MALRD1: variants seen among roughly 807,000 people sequenced by gnomAD.
The protein encoded by MALRD1 is MAM and LDL-receptor class A domain-containing protein 1.
MALRD1 carries 247 observed loss-of-function variants against 242.1 expected under a neutral mutation model. That is an observed-to-expected ratio of 1.02 (90% CI 0.92 to 1.13). The LOEUF (loss-of-function observed/expected upper bound fraction) is 1.13, where lower values mean the gene tolerates loss of function less well. MALRD1 is among the 50% of genes most tolerant of loss of function. The pLI is 0.00. For missense variants in MALRD1, 2,989 were observed against 2,533.1 expected (o/e 1.18, Z -3.86); for synonymous variants, 995 against 866.6 (o/e 1.15, Z -2.60).
chr10:19,556,531 G>C (rs1245253535), intron 32 of MALRD1, among the ~76,000 whole-genome samples: 1 of 151,886 alleles, frequency 6.6e-6, no homozygotes, highest in African/African-American at 2.4e-5. Flanking sequence ...ACGCTTTTCA[G>C]ATTGACTTAT....
At chr10:19,238,321 ATG>A (rs1838513750) in intron 18 of MALRD1, among the ~76,000 whole-genome samples, 1 of 79,412 alleles carries the variant, frequency 1.3e-5, no homozygotes, top group South Asian at 4.5e-4. Context: ...AATATACATA[ATG>A]TATATTATAC....
chr10:19,152,622 A>G (rs886712355), intron 11 of MALRD1, among the ~76,000 whole-genome samples: 1 of 152,114 alleles, frequency 6.6e-6, no homozygotes, highest in Non-Finnish European at 1.5e-5. Flanking sequence ...CTGTTTATGT[A>G]TCTGGAAACT....
intron 28 of MALRD1, among the ~76,000 whole-genome samples, chr10:19,426,137 A>G (rs1833896984): frequency 6.6e-6 from 1 of 152,178 alleles, no homozygotes; most frequent in Non-Finnish European, 1.5e-5. Context: ...TCCATATGCC[A>G]AGCATCATGT....
chr10:19,374,374 C>G (rs965150115), intron 26 of MALRD1, among the ~76,000 whole-genome samples: 1 of 152,160 alleles, frequency 6.6e-6, no homozygotes, highest in Non-Finnish European at 1.5e-5. Context: ...TAATAGTTTA[C>G]ATGATAAATG....
At position 19,204,945 on chromosome 10, in the gene MALRD1, A is replaced by G; in HGVS notation, c.2258A>G (p.His753Arg). 3 of 1,550,438 alleles carry G rather than the reference A, an allele frequency of 1.9e-6. No individual in the cohort carries two copies. Among genetic ancestry groups the G allele is most frequent in the Non-Finnish European group, 2.6e-6 (3 of 1,146,796 alleles). Residue 753 changes from histidine (H) to arginine (R), a missense_variant, in exon 17 of 40, where the codon CAT (histidine) becomes CGT (arginine). Physicochemically the swap from His to Arg is conservative, Grantham distance 29. Coordinates refer to ENST00000454679, the MANE Select transcript of MALRD1 (RefSeq NM_001142308.3). ...GTGGGAGCAGCTGAGCTGCAGCTACATATGGAAAATTCTCATGACTCAACA... is the reference window on the plus strand; with the variant it reads ...GTGGGAGCAGCTGAGCTGCAGCTACGTATGGAAAATTCTCATGACTCAACA... ...LSVGAAELQLHMENSHDSTVI... is the reference protein window; with the variant it reads ...LSVGAAELQLRMENSHDSTVI...
intron 21 of MALRD1, among the ~76,000 whole-genome samples, chr10:19,322,891 C>G (rs1842960719): frequency 6.6e-6 from 1 of 152,124 alleles, no homozygotes; most frequent in African/African-American, 2.4e-5. Flanking sequence ...TCAAGTTAAT[C>G]CAAAACAGAG....
At chr10:19,548,353 G>A (rs546812740) in intron 32 of MALRD1, among the ~76,000 whole-genome samples, 1 of 152,082 alleles carries the variant, frequency 6.6e-6, no homozygotes, top group African/African-American at 2.4e-5. Context: ...CTTATTCCCA[G>A]TGTTTATAAG....
At chr10:19,602,875 A>C (rs1373712525) in intron 34 of MALRD1, among the ~76,000 whole-genome samples, 1 of 152,058 alleles carries the variant, frequency 6.6e-6, no homozygotes, top group Non-Finnish European at 1.5e-5. Flanking sequence ...CTGACTTTTT[A>C]ATGATCGCCA....
intron 18 of MALRD1, among the ~76,000 whole-genome samples, chr10:19,236,611 A>G (rs941035694): frequency 6.6e-6 from 1 of 152,154 alleles, no homozygotes; most frequent in Non-Finnish European, 1.5e-5. Context: ...CCAACTTTCT[A>G]TATTTTGCTT....
At chr10:19,674,148 C>T (rs760207360) in intron 36 of MALRD1, among the ~76,000 whole-genome samples, 5 of 151,926 alleles carry the variant, frequency 3.3e-5, no homozygotes, top group East Asian at 3.9e-4. Context: ...TATCTGTCAC[C>T]GGAAAGAGCA....
At chr10:19,284,021 G>C (rs1032683845) in intron 21 of MALRD1, among the ~76,000 whole-genome samples, 1 of 152,192 alleles carries the variant, frequency 6.6e-6, no homozygotes, top group Non-Finnish European at 1.5e-5. Flanking sequence ...GTTTGTTAGT[G>C]ATGGAGCATT....
intron 21 of MALRD1, among the ~76,000 whole-genome samples, chr10:19,285,209 T>G (rs1021789847): frequency 2.1e-5 from 3 of 145,264 alleles, no homozygotes; most frequent in Non-Finnish European, 4.5e-5. Flanking sequence ...GGTTTCCTGT[T>G]CACTCTGATG....
At chr10:19,187,043 TAG>T in intron 14 of MALRD1, among the ~76,000 whole-genome samples, 1 of 152,320 alleles carries the variant, frequency 6.6e-6, no homozygotes, top group South Asian at 2.1e-4. Context: ...GTTATAGGTT[TAG>T]AGACACCTAA....
chr10:19,324,619 C>T (rs554189551), intron 22 of MALRD1, among the ~76,000 whole-genome samples: 8 of 144,546 alleles, frequency 5.5e-5, no homozygotes, highest in Non-Finnish European at 9.0e-5. Context: ...TAAAAAAAAA[C>T]GAGTTGTCCT....
chr10:19,297,169 A>C (rs1841744281), intron 21 of MALRD1, among the ~76,000 whole-genome samples: 2 of 150,974 alleles, frequency 1.3e-5, no homozygotes, highest in Admixed American at 6.6e-5. Context: ...TTTTGAGAAT[A>C]AGATGAGTTT....
intron 18 of MALRD1, among the ~76,000 whole-genome samples, chr10:19,250,931 C>A (rs10740864): frequency 0.44 from 66,973 of 151,580 alleles, 15,460 homozygotes; most frequent in Admixed American, 0.59. Context: ...CAATTTCTTA[C>A]ATCTTTTTTG....
At position 19,209,430 on chromosome 10, in the gene MALRD1, T is replaced by C. The variant is rs1221506542; in HGVS notation, c.2741T>C (p.Ile914Thr). The C allele has an allele frequency of 1.3e-6, 2 of 1,550,954 alleles. No individual in the cohort carries two copies. Among genetic ancestry groups the C allele is most frequent in the Admixed American group, 2.0e-5 (1 of 51,010 alleles). Residue 914 changes from isoleucine (I) to threonine (T), a missense_variant, in exon 18 of 40, where the codon ATA becomes ACA. Transcript: ENST00000454679. Reference sequence around the variant, plus strand: ...ACAGCTAAAGGACACTATCTCTACATAGAATCTTCAGAGCCACAGGCTTTT... The same window carrying C: ...ACAGCTAAAGGACACTATCTCTACACAGAATCTTCAGAGCCACAGGCTTTT... Reference protein sequence around the residue: ...LGTAKGHYLYIESSEPQAFQD... With the variant: ...LGTAKGHYLYTESSEPQAFQD...
At chr10:19,731,592 T>C (rs761803401) in intron 39 of MALRD1, among the ~76,000 whole-genome samples, 1 of 152,090 alleles carries the variant, frequency 6.6e-6, no homozygotes, top group Non-Finnish European at 1.5e-5. Context: ...ATGCTATACA[T>C]TAGATCCCCA....
intron 38 of MALRD1, among the ~76,000 whole-genome samples, chr10:19,694,288 C>G (rs1301509014): frequency 1.3e-5 from 2 of 152,184 alleles, no homozygotes; most frequent in African/African-American, 4.8e-5. Context: ...AGTGAACAGG[C>G]AACCTACAGA....
Sources: allele counts gnomAD v4.1 joint callset (sites outside exome capture counted in the v4.1 genomes callset), GRCh38; gene constraint gnomAD v4.1.1; transcripts MANE v1.5; gene names NCBI Gene and HGNC (gene_info 2026-07-23, HGNC 2026-07-21).